ASCC3: variants seen among roughly 807,000 people sequenced by gnomAD.
The protein encoded by ASCC3 is activating signal cointegrator 1 complex subunit 3.
A neutral mutation model predicts 256.3 loss-of-function variants in ASCC3; 158 were observed. That is an observed-to-expected ratio of 0.62 (90% confidence interval 0.54 to 0.70). The LOEUF is 0.70. Among genes scored for constraint, ASCC3 ranks in the 30% least tolerant of loss-of-function variants. The pLI is 0.00. For missense variants in ASCC3, 2,259 were observed against 2,626.0 expected, an observed-to-expected ratio of 0.86 and a Z score of 3.05; for synonymous variants, 948 against 883.4, an observed-to-expected ratio of 1.07 and a Z score of -1.30.
Position 100,510,067 on chromosome 6 carries a change from T to G in ASCC3, c.6326A>C (p.Lys2109Thr). The G allele has an allele frequency of 1.2e-6, 2 of 1,614,208 alleles. No individual in the cohort carries two copies. Among genetic ancestry groups the G allele is most frequent in the Non-Finnish European group, 1.7e-6 (2 of 1,180,024 alleles). Reference protein sequence around the residue: ...ESCAVTPRFPKSKDEGWFLIL... With the variant: ...ESCAVTPRFPTSKDEGWFLIL... ...CAAAAACCATCCTTCGTCTTTTGAT[T>G]TGGGAAATCGAGGAGTAACTGCACA... Residue 2109 changes from lysine (K) to threonine (T), a missense_variant, in exon 41 of 42, where the codon AAA becomes ACA. Coordinates refer to ENST00000369162, the MANE Select transcript of ASCC3 (RefSeq NM_006828.4).
chr6:100,646,733 A>G lies in ASCC3; in HGVS notation c.3515T>C (p.Val1172Ala), dbSNP rs1278883055. ...ILHHVNIGLK[V>A]KQCVHQIPSV... ...AGGAATCTGATGAACACATTGTTTGACCTTCAGTCCAATATTCACATGATG... is the reference window on the plus strand; with the variant it reads ...AGGAATCTGATGAACACATTGTTTGGCCTTCAGTCCAATATTCACATGATG... The change falls in exon 22 of 42, where the codon GTC becomes GCC. Residue 1172 changes from valine (V) to alanine (A), a missense_variant. By Grantham distance (64) the Val-to-Ala change is moderately conservative. Coordinates refer to ENST00000369162, the MANE Select transcript of ASCC3 (RefSeq NM_006828.4). 6.2e-7 allele frequency: 1 copy of G among 1,613,966 alleles called. No individual in the cohort carries two copies.
intron 11 of ASCC3, among the ~76,000 whole-genome samples, chr6:100,721,040 T>C (rs992669489): frequency 4.6e-5 from 7 of 151,008 alleles, no homozygotes; most frequent in Middle Eastern, 7.0e-3. Context: ...TCTAAGGTTA[T>C]AATGCCTGCT....
At chr6:100,616,314 C>T (rs1002146431) in intron 30 of ASCC3, among the ~76,000 whole-genome samples, 6 of 152,178 alleles carry the variant, frequency 3.9e-5, no homozygotes, top group Admixed American at 3.3e-4. Context: ...GCTCTAGCAT[C>T]TAAAAACACT....
At chr6:100,712,664 A>G (rs1486873809) in intron 13 of ASCC3, among the ~76,000 whole-genome samples, 1 of 152,054 alleles carries the variant, frequency 6.6e-6, no homozygotes, top group East Asian at 1.9e-4. Flanking sequence ...AATGGGTATG[A>G]AAAATGGTAT....
At position 100,644,024 on chromosome 6, in the gene ASCC3, C is replaced by A. The variant is rs988734607; in HGVS notation, c.3732+7G>T. On this transcript the variant is annotated splice_region_variant and intron_variant, in intron 23 of 41. Coordinates refer to ENST00000369162, the MANE Select transcript of ASCC3 (RefSeq NM_006828.4). Reference sequence around the variant, plus strand: ...AAATAAGGATATATTCACATATATACACTTACTTGTTTTTTTAGAGCTAGA... The same window carrying A: ...AAATAAGGATATATTCACATATATAAACTTACTTGTTTTTTTAGAGCTAGA... 4 of 1,578,834 alleles carry A rather than the reference C, an allele frequency of 2.5e-6. No homozygotes were observed. In the African/African-American group the frequency reaches 4.0e-5, roughly 16 times the overall value.
At position 100,695,901 on chromosome 6, in the gene ASCC3, A is replaced by G. The variant is rs139451264; in HGVS notation, c.2152-16149T>C. On this transcript the variant is annotated intron_variant, in intron 13 of 41. Transcript: ENST00000369162. ...GAGAAGCAACACGGTCTGTACCCTG[A>G]CCCAGGTGTCAAAGTTAGCCTATGG... Among the ~76,000 whole-genome samples the G allele has an allele frequency of 3.7e-4, 57 of 152,272 alleles. 1 individual carries two copies. The highest frequency in any genetic ancestry group is 1.3e-3 in the African/African-American group (56 of 41,560).
chr6:100,848,187 CATATCATATA>C lies in ASCC3; in HGVS notation c.752_761del (p.Leu251CysfsTer61). 6.2e-7 allele frequency: 1 copy of C among 1,604,430 alleles called. No homozygotes were observed. Among genetic ancestry groups the C allele is most frequent in the Non-Finnish European group, 8.5e-7 (1 of 1,176,676 alleles). On this transcript the variant is annotated frameshift_variant, in exon 4 of 42. Transcript: ENST00000369162. LOFTEE classifies it high-confidence loss of function. ...CATCACCACTTTTAATAGAAGCAAG[CATATCATATA>C]AAGTACAGCAAAGATCTTCTACTCT...
At chr6:100,850,660 T>G (rs1374158632) in intron 3 of ASCC3, among the ~76,000 whole-genome samples, 3 of 152,218 alleles carry the variant, frequency 2.0e-5, no homozygotes, top group Non-Finnish European at 4.4e-5. Flanking sequence ...AATTTTACAA[T>G]GTATATTTCC....
chr6:100,617,199 G>A (rs1322821298), intron 30 of ASCC3, among the ~76,000 whole-genome samples: 1 of 151,978 alleles, frequency 6.6e-6, no homozygotes, highest in Non-Finnish European at 1.5e-5. Flanking sequence ...GTAGAGATGG[G>A]GTTTCACCAT....
chr6:100,677,482 A>C (rs1408903238), intron 14 of ASCC3, among the ~76,000 whole-genome samples: 2 of 152,188 alleles, frequency 1.3e-5, no homozygotes, highest in African/African-American at 4.8e-5. Context: ...TCACTACTTA[A>C]TATGAGATTC....
intron 16 of ASCC3, among the ~76,000 whole-genome samples, chr6:100,657,754 C>T (rs1775984837): frequency 6.6e-6 from 1 of 151,228 alleles, no homozygotes; most frequent in Non-Finnish European, 1.5e-5. Flanking sequence ...AGCAAAGATT[C>T]GATCAACTAA....
chr6:100,861,477 G>A (rs1773220352), intron 3 of ASCC3, among the ~76,000 whole-genome samples: 1 of 152,078 alleles, frequency 6.6e-6, no homozygotes. Context: ...AAATATAAGA[G>A]AAATGACAGG....
intron 39 of ASCC3, 72 bp downstream of exon 39, chr6:100,516,108 C>CT: frequency 6.2e-7 from 1 of 1,600,224 alleles, no homozygotes; most frequent in Non-Finnish European, 8.6e-7. Flanking sequence ...AATCCATGCT[C>CT]TAAGTTAGAA....
At chr6:100,515,665 A>T (rs1773983065) in intron 39 of ASCC3, among the ~76,000 whole-genome samples, 1 of 152,152 alleles carries the variant, frequency 6.6e-6, no homozygotes, top group Non-Finnish European at 1.5e-5. Flanking sequence ...TTTATTTGAA[A>T]GGATACTTTT....
intron 13 of ASCC3, among the ~76,000 whole-genome samples, chr6:100,700,611 G>T (rs1041036969): frequency 2.6e-5 from 4 of 152,198 alleles, no homozygotes; most frequent in African/African-American, 9.7e-5. Context: ...AAAGCCACAG[G>T]GGTGGAGCTG....
chr6:100,658,010 G>A (rs190240412), intron 16 of ASCC3, among the ~76,000 whole-genome samples: 2 of 151,612 alleles, frequency 1.3e-5, no homozygotes, highest in East Asian at 3.9e-4. Context: ...CATATAGTAA[G>A]TCAGTAACAA....
intron 36 of ASCC3, among the ~76,000 whole-genome samples, chr6:100,540,684 A>C (rs1398135238): frequency 1.3e-5 from 2 of 152,124 alleles, no homozygotes; most frequent in African/African-American, 4.8e-5. Context: ...GTGAACCAGA[A>C]ACTGAGAGGT....
intron 40 of ASCC3, among the ~76,000 whole-genome samples, chr6:100,510,710 T>C (rs894798529): frequency 6.6e-6 from 1 of 152,190 alleles, no homozygotes; most frequent in African/African-American, 2.4e-5. Flanking sequence ...GTCAAGCAAT[T>C]TGTAAAATAT....
intron 10 of ASCC3, among the ~76,000 whole-genome samples, chr6:100,732,839 T>A (rs2115053247): frequency 6.6e-6 from 1 of 152,166 alleles, no homozygotes; most frequent in South Asian, 2.1e-4. Flanking sequence ...AAGGTCCACA[T>A]TACTAATATA....
Sources: allele counts gnomAD v4.1 joint callset (sites outside exome capture counted in the v4.1 genomes callset), GRCh38; gene constraint gnomAD v4.1.1; transcripts MANE v1.5; gene names NCBI Gene and HGNC (gene_info 2026-07-23, HGNC 2026-07-21).